Variants in PRR5L observed in about 807,000 individuals in gnomAD.
PRR5L encodes the protein proline-rich protein 5-like.
A neutral mutation model predicts 36.4 loss-of-function variants in PRR5L; 21 were observed. The ratio of observed to expected loss-of-function variants is 0.58; its 90% CI spans 0.41 to 0.83. The LOEUF is 0.83. Among genes scored for constraint, PRR5L ranks in the 40% least tolerant of loss-of-function variants. PRR5L has a pLI of 0.00. For synonymous variants in PRR5L, 188 were observed against 197.0 expected, an observed-to-expected ratio of 0.95 and a Z score of 0.38; for missense variants, 381 against 473.3, an observed-to-expected ratio of 0.80 and a Z score of 1.81.
At chr11:36,441,132 A>T (rs187017135) in intron 6 of PRR5L, among the ~76,000 whole-genome samples, 1 of 152,224 alleles carries the variant, frequency 6.6e-6, no homozygotes, top group Non-Finnish European at 1.5e-5. Flanking sequence ...TCCTTCTCAC[A>T]TCGCAAAATA....
chr11:36,367,740 TTCTCTC>T (rs55635913), intron 1 of PRR5L, among the ~76,000 whole-genome samples: 6,134 of 150,382 alleles, frequency 0.041, 147 homozygotes, highest in African/African-American at 0.058. Flanking sequence ...ACCAGAGAAC[TTCTCTC>T]TCTCTCTCTC....
intron 4 of PRR5L, among the ~76,000 whole-genome samples, chr11:36,424,403 T>C (rs1858336035): frequency 6.6e-6 from 1 of 152,218 alleles, no homozygotes; most frequent in East Asian, 1.9e-4. Context: ...ATATGGAATT[T>C]GGTGATTTAC....
intron 4 of PRR5L, among the ~76,000 whole-genome samples, chr11:36,430,889 T>G (rs1276419938): frequency 6.6e-6 from 1 of 152,180 alleles, no homozygotes; most frequent in Non-Finnish European, 1.5e-5. Flanking sequence ...ATCATTGCAG[T>G]AGGATCTAGG....
chr11:36,408,655 G>A (rs1857960584), intron 3 of PRR5L, among the ~76,000 whole-genome samples: 1 of 152,132 alleles, frequency 6.6e-6, no homozygotes, highest in Admixed American at 6.5e-5. Context: ...TGGCAGCGAG[G>A]AAAAGTCTGG....
intron 8 of PRR5L, among the ~76,000 whole-genome samples, chr11:36,458,477 TG>T (rs1859111561): frequency 6.6e-6 from 1 of 152,154 alleles, no homozygotes; most frequent in Admixed American, 6.5e-5. Context: ...TTTGAAAAAT[TG>T]TTATTGTCAC....
At chr11:36,343,905 G>T (rs1363603608) in intron 1 of PRR5L, among the ~76,000 whole-genome samples, 18 of 147,714 alleles carry the variant, frequency 1.2e-4, no homozygotes, top group South Asian at 2.1e-4. Context: ...GTTTTATGTT[G>T]TTTTTTTTTT....
chr11:36,397,618 G>A (rs985310141), intron 1 of PRR5L, among the ~76,000 whole-genome samples: 3 of 151,390 alleles, frequency 2.0e-5, no homozygotes, highest in Admixed American at 6.6e-5. Flanking sequence ...CACCATGCCC[G>A]GCTAATTTTT....
chr11:36,364,574 C>A (rs528691808), intron 1 of PRR5L, among the ~76,000 whole-genome samples: 1 of 152,264 alleles, frequency 6.6e-6, no homozygotes, highest in Non-Finnish European at 1.5e-5. Context: ...TGGTGCTTAG[C>A]TTAGTAAGTG....
chr11:36,337,341 T>C (rs1856778337), intron 1 of PRR5L, among the ~76,000 whole-genome samples: 1 of 152,176 alleles, frequency 6.6e-6, no homozygotes, highest in Admixed American at 6.5e-5. Flanking sequence ...TTCTGCCACG[T>C]GAGGACTCAG....
At chr11:36,371,896 T>TA (rs1857200758) in intron 1 of PRR5L, among the ~76,000 whole-genome samples, 1 of 151,730 alleles carries the variant, frequency 6.6e-6, no homozygotes, top group Admixed American at 6.6e-5. Flanking sequence ...CCGTCTCTAC[T>TA]AAAAAAACAA....
At chr11:36,418,844 T>C (rs6484851) in intron 3 of PRR5L, among the ~76,000 whole-genome samples, 150,685 of 152,270 alleles carry the variant, frequency 0.99, 74,578 homozygotes, top group South Asian at 1. Context: ...CCCACATACA[T>C]TTTATAATCC....
At chr11:36,370,425 T>C (rs113218890) in intron 1 of PRR5L, among the ~76,000 whole-genome samples, 16 of 152,198 alleles carry the variant, frequency 1.1e-4, no homozygotes, top group African/African-American at 3.9e-4. Flanking sequence ...TATGCATTTG[T>C]TTCCATGTGT....
chr11:36,297,084 C>A (rs571931481), intron 1 of PRR5L, among the ~76,000 whole-genome samples: 1 of 152,308 alleles, frequency 6.6e-6, no homozygotes, highest in Non-Finnish European at 1.5e-5. Context: ...TTTATGATCT[C>A]TATTTTATGG....
At chr11:36,445,590 CT>C (rs1858812351) in intron 6 of PRR5L, among the ~76,000 whole-genome samples, 1 of 152,150 alleles carries the variant, frequency 6.6e-6, no homozygotes, top group African/African-American at 2.4e-5. Context: ...TGAAACGCAG[CT>C]GTACTTTGGT....
chr11:36,389,612 G>GTT (rs766922202), intron 1 of PRR5L, among the ~76,000 whole-genome samples: 24 of 54,874 alleles, frequency 4.4e-4, no homozygotes, highest in Admixed American at 2.8e-3. Flanking sequence ...GAAGCCCCAT[G>GTT]TATTTTTTTT....
chr11:36,352,767 G>A (rs1349259038), intron 1 of PRR5L, among the ~76,000 whole-genome samples: 1 of 152,188 alleles, frequency 6.6e-6, no homozygotes, highest in Non-Finnish European at 1.5e-5. Flanking sequence ...CAGGATACCA[G>A]TTTTATGAAG....
intron 1 of PRR5L, among the ~76,000 whole-genome samples, chr11:36,390,008 C>T (rs1041894065): frequency 6.6e-6 from 1 of 152,206 alleles, no homozygotes; most frequent in Non-Finnish European, 1.5e-5. Context: ...TCCTGCTTCA[C>T]TAGGCCCTGT....
intron 1 of PRR5L, among the ~76,000 whole-genome samples, chr11:36,365,836 C>T (rs921401507): frequency 5.5e-4 from 83 of 152,286 alleles, no homozygotes; most frequent in African/African-American, 1.9e-3. Flanking sequence ...CACCAGTTAA[C>T]GCTGGAGAAA....
intron 1 of PRR5L, among the ~76,000 whole-genome samples, chr11:36,311,166 G>C (rs1856498688): frequency 1.3e-5 from 2 of 152,080 alleles, no homozygotes; most frequent in Admixed American, 1.3e-4. Context: ...GGATGTCAAG[G>C]GTGTTCAAAG....
Sources: allele counts gnomAD v4.1 joint callset (sites outside exome capture counted in the v4.1 genomes callset), GRCh38; gene constraint gnomAD v4.1.1; transcripts MANE v1.5; gene names NCBI Gene and HGNC (gene_info 2026-07-23, HGNC 2026-07-21).